Variants in CDC42BPB observed in about 807,000 individuals in gnomAD.
CDC42BPB encodes the protein serine/threonine-protein kinase MRCK beta.
Under a neutral mutation model 214.9 loss-of-function variants are expected in CDC42BPB, and 37 were observed. The observed-to-expected ratio is 0.17, with a 90% CI of 0.13 to 0.23. CDC42BPB has a LOEUF of 0.23. CDC42BPB is among the 10% of genes least tolerant of loss of function. The pLI is 1.00. For missense variants in CDC42BPB, 1,694 were observed against 2,227.0 expected, an observed-to-expected ratio of 0.76 and a Z score of 4.82; for synonymous variants, 931 against 884.0, an observed-to-expected ratio of 1.05 and a Z score of -0.94.
chr14:102,934,063 T>C (rs562157202), intron 36 of CDC42BPB: 9 of 1,309,934 alleles, frequency 6.9e-6, no homozygotes, highest in East Asian at 3.2e-5. Flanking sequence ...AAAAATAACA[T>C]GGTAATTATC....
intron 6 of CDC42BPB, among the ~76,000 whole-genome samples, chr14:102,985,523 C>T (rs1894206385): frequency 6.6e-6 from 1 of 152,194 alleles, no homozygotes; most frequent in Non-Finnish European, 1.5e-5. Flanking sequence ...TGGAGGACAG[C>T]ACCCGCCTAC....
chr14:102,977,373 A>G (rs1015047890), intron 9 of CDC42BPB, among the ~76,000 whole-genome samples: 21 of 144,096 alleles, frequency 1.5e-4, no homozygotes, highest in African/African-American at 4.8e-4. Context: ...AAGCATGGGG[A>G]TATCTCCCTC....
In CDC42BPB at chr14:103,004,941, G is replaced by T. The variant is rs1895166518; in HGVS notation, c.352-918C>A. Among the ~76,000 whole-genome samples, 1 of 151,980 alleles carries T rather than the reference G, an allele frequency of 6.6e-6. No homozygotes were observed. The highest frequency in any genetic ancestry group is 2.4e-5 in the African/African-American group (1 of 41,396). ...CCAGCAGTTTGGGAGGCCGAGGTGG[G>T]TGGATCACGAGGTCAGGAGATCAAG... On this transcript the variant is annotated intron_variant, in intron 3 of 36. Coordinates refer to ENST00000361246, the MANE Select transcript of CDC42BPB (RefSeq NM_006035.4). The surrounding 1 kb of genome is among the most constrained non-coding windows in gnomAD (Gnocchi z 5.3).
chr14:103,037,730 G>C (rs1053836963), intron 1 of CDC42BPB, among the ~76,000 whole-genome samples: 1 of 152,008 alleles, frequency 6.6e-6, no homozygotes, highest in Non-Finnish European at 1.5e-5. Flanking sequence ...ATGTGGAGAG[G>C]AGTTTTTAAA....
chr14:102,954,393 A>C, intron 22 of CDC42BPB, 118 bp from the exon 23 acceptor site: 12 of 1,443,246 alleles, frequency 8.3e-6, no homozygotes. Flanking sequence ...TGCATTTTTA[A>C]TTTGCTACAA....
intron 1 of CDC42BPB, among the ~76,000 whole-genome samples, chr14:103,055,733 T>TCC (rs1888911532): frequency 6.6e-6 from 1 of 152,246 alleles, no homozygotes; most frequent in Non-Finnish European, 1.5e-5. Context: ...TATTGCAACT[T>TCC]AAGTTTTATT....
At chr14:103,050,425 A>G (rs1888535046) in intron 1 of CDC42BPB, among the ~76,000 whole-genome samples, 1 of 152,182 alleles carries the variant, frequency 6.6e-6, no homozygotes, top group African/African-American at 2.4e-5. Flanking sequence ...ACCCAACCTG[A>G]GTGGGGAGTG....
intron 9 of CDC42BPB, 37 bp downstream of exon 9, chr14:102,978,089 G>C (rs763503314): frequency 6.8e-7 from 1 of 1,476,216 alleles, no homozygotes; most frequent in South Asian, 1.1e-5. Context: ...TACCACAGGG[G>C]AAGTGTCTCC....
intron 1 of CDC42BPB, among the ~76,000 whole-genome samples, chr14:103,050,756 T>TG (rs1485007845): frequency 2.1e-5 from 3 of 144,710 alleles, no homozygotes; most frequent in Non-Finnish European, 3.1e-5. Flanking sequence ...GACCCTGTCT[T>TG]GGGGGGAAAA....
rs146239135 is a variant in CDC42BPB at position 102,960,388 on chromosome 14, C to T, written c.2822-678G>A. On this transcript the variant is annotated intron_variant, in intron 20 of 36. Transcript: ENST00000361246. The stretch of plus-strand genomic sequence containing the variant: ...TCCCAGCACTTTGGGAGGCCAAGGT[C>T]GGAGGACTGCTTGAGGCCATGAGTT... Among the ~76,000 whole-genome samples the T allele has an allele frequency of 1.3e-3, 202 of 151,836 alleles. 1 individual carries two copies. Among genetic ancestry groups the T allele is most frequent in the African/African-American group, 4.8e-3 (197 of 41,394 alleles).
At chr14:103,024,758 G>C (rs1886955528) in intron 1 of CDC42BPB, among the ~76,000 whole-genome samples, 1 of 152,156 alleles carries the variant, frequency 6.6e-6, no homozygotes, top group Non-Finnish European at 1.5e-5. Flanking sequence ...ATATGGGTCA[G>C]GGATGTTATA....
intron 14 of CDC42BPB, 37 bp downstream of exon 14, chr14:102,970,114 C>G (rs1324528151): frequency 6.6e-7 from 1 of 1,506,642 alleles, no homozygotes; most frequent in Non-Finnish European, 9.2e-7. Context: ...ATAAGCATCC[C>G]TCTCAGTTAA....
At chr14:103,002,464 T>C (rs764530024) in intron 4 of CDC42BPB, among the ~76,000 whole-genome samples, 1 of 152,142 alleles carries the variant, frequency 6.6e-6, no homozygotes, top group Non-Finnish European at 1.5e-5. Context: ...TAAAAAAATA[T>C]TAGAAACAAA....
intron 8 of CDC42BPB, among the ~76,000 whole-genome samples, chr14:102,980,501 G>C (rs2139514113): frequency 6.6e-6 from 1 of 152,044 alleles, no homozygotes; most frequent in Middle Eastern, 3.4e-3. Context: ...AAAAAAAAAA[G>C]TATCAAGTAC....
chr14:102,938,395 G>C lies in CDC42BPB; in HGVS notation c.4844C>G (p.Ser1615Cys), dbSNP rs1280778797. The C allele has an allele frequency of 1.3e-6, 2 of 1,552,132 alleles. No homozygotes were observed. The highest frequency in any genetic ancestry group is 1.7e-6 in the Non-Finnish European group (2 of 1,155,808). ...MDLPLSAVPP[S>C]QEERPGPAPT... ...AGCGGGGCCCGGCCTTTCCTCCTGG[G>C]AGGGGGGCACAGCACTCTGGGCAGA... The change falls in exon 35 of 37, where the codon TCC becomes TGC. Residue 1615 changes from serine to cysteine, a missense_variant. Ser to Cys is a moderately radical substitution (Grantham distance 112, BLOSUM62 -1). Transcript: ENST00000361246.
chr14:102,952,353 A>C (rs745497700), intron 24 of CDC42BPB, 145 bp downstream of exon 24: 3 of 601,726 alleles, frequency 5.0e-6, no homozygotes, highest in Non-Finnish European at 8.9e-6. Flanking sequence ...CCCCCTAAAA[A>C]AAACCCTGTC....
intron 19 of CDC42BPB, among the ~76,000 whole-genome samples, chr14:102,963,688 CT>C (rs1893058642): frequency 6.6e-6 from 1 of 152,216 alleles, no homozygotes; most frequent in South Asian, 2.1e-4. Context: ...GGCAAATCAC[CT>C]GCGGAGTGTG....
Position 102,975,722 on chromosome 14 carries a change from A to G in CDC42BPB, c.1469T>C (p.Leu490Pro), listed in dbSNP as rs1255018308. The G allele has an allele frequency of 6.2e-7, 1 of 1,614,110 alleles. No homozygotes were observed. The highest frequency in any genetic ancestry group is 8.5e-7 in the Non-Finnish European group (1 of 1,179,944). ...NSNRDKEIKK[L>P]NEEIERLKNK... ...CTTCAAGCGTTCGATTTCTTCATTT[A>G]GCTTTTTGATTTCTTTATCTCGGTT... Residue 490 changes from leucine to proline, a missense_variant, in exon 11 of 37, where the codon CTA becomes CCA. Around this residue, in one of 7 missense-constraint regions of CDC42BPB, gnomAD observed 462 missense variants for 513.5 expected, o/e 0.90. Transcript: ENST00000361246.
intron 1 of CDC42BPB, among the ~76,000 whole-genome samples, chr14:103,027,989 G>A (rs1300965873): frequency 6.6e-6 from 1 of 152,186 alleles, no homozygotes. Context: ...AATTAGCCAG[G>A]CGTGGTGGTG....
Sources: gnomAD v4.1 joint callset for allele counts (sites outside exome capture counted in the v4.1 genomes callset) on GRCh38, gnomAD v4.1.1 for gene constraint, gnomAD v4.1.1 regional missense constraint, Gnocchi (gnomAD v3.1) non-coding constraint, MANE v1.5 for transcripts, NCBI Gene and HGNC (gene_info 2026-07-23, HGNC 2026-07-21) for gene names.